Variants in CCDC18 observed in about 807,000 individuals in gnomAD.
The protein encoded by CCDC18 is coiled-coil domain-containing protein 18.
In CCDC18, 157 loss-of-function variants were observed where a neutral mutation model predicts 196.0. The ratio of observed to expected loss-of-function variants is 0.80; its 90% CI spans 0.70 to 0.91. The LOEUF (loss-of-function observed/expected upper bound fraction) is 0.91. Ranked by LOEUF, CCDC18 falls within the 40% of genes least tolerant of loss-of-function variation. The probability of loss-of-function intolerance (pLI) is 0.00; values close to 1 mark genes in which losing one functional copy is unlikely to be tolerated. For missense variants in CCDC18, 1,465 were observed against 1,611.6 expected (o/e 0.91, Z 1.56); for synonymous variants, 482 against 529.2 (o/e 0.91, Z 1.22).
chr1:93,239,170 A>T (rs1291319580), intron 19 of CCDC18, 140 bp from the exon 20 acceptor site: 1 of 555,742 alleles, frequency 1.8e-6, no homozygotes, highest in Non-Finnish European at 2.9e-6. Flanking sequence ...GAGAATTTTT[A>T]AAAATAGGTG....
chr1:93,239,931 T>C (rs1557676193), intron 21 of CCDC18, 35 bp downstream of exon 21: 1 of 1,324,250 alleles, frequency 7.6e-7, no homozygotes, highest in Non-Finnish European at 1.1e-6. Flanking sequence ...ATCACAGTTA[T>C]AAGTCCTTGG....
At chr1:93,275,725 G>A (rs968031253) in intron 28 of CCDC18, among the ~76,000 whole-genome samples, 1 of 152,180 alleles carries the variant, frequency 6.6e-6, no homozygotes, top group Non-Finnish European at 1.5e-5. Context: ...ATAAGCAGGA[G>A]CATAGGGGAC....
Position 93,212,154 on chromosome 1 carries a change from C to T in CCDC18, c.1388C>T (p.Thr463Ile), listed in dbSNP as rs1225613522. Residue 463 changes from threonine (T) to isoleucine (I), a missense_variant, in exon 11 of 29, where the codon ACT becomes ATT. Thr to Ile is a moderately conservative substitution (Grantham distance 89, BLOSUM62 -1). Coordinates refer to ENST00000690025, the MANE Select transcript of CCDC18 (RefSeq NM_001378204.1). ...AEIQKLHANL[T>I]ANQLSQSLIT... ...ATTCAAAAGCTTCATGCAAACCTGA[C>T]TGCAAATCAGTTATCTCAGAGTCTT... The T allele has an allele frequency of 1.9e-6, 3 of 1,610,970 alleles. No individual in the cohort carries two copies. The highest frequency in any genetic ancestry group is 1.7e-6 in the Non-Finnish European group (2 of 1,179,052).
intron 28 of CCDC18, 138 bp downstream of exon 28, chr1:93,270,952 G>T: frequency 7.2e-7 from 1 of 1,388,380 alleles, no homozygotes; most frequent in African/African-American, 1.5e-5. Flanking sequence ...TATACATTAA[G>T]TAAAATCAAT....
intron 8 of CCDC18, among the ~76,000 whole-genome samples, chr1:93,206,188 A>G (rs1292892617): frequency 6.6e-6 from 1 of 152,124 alleles, no homozygotes; most frequent in African/African-American, 2.4e-5. Flanking sequence ...AATTTAAAAA[A>G]AAGGGGGAGC....
chr1:93,234,915 A>C (rs893493981), intron 18 of CCDC18, among the ~76,000 whole-genome samples: 3 of 144,778 alleles, frequency 2.1e-5, no homozygotes, highest in Non-Finnish European at 4.5e-5. Flanking sequence ...TTCCAAGTGC[A>C]TACCACCATG....
Position 93,183,450 on chromosome 1 carries a change from A to G in CCDC18, c.89A>G (p.Lys30Arg). 1 of 1,607,810 alleles carries G rather than the reference A, an allele frequency of 6.2e-7. No homozygotes were observed. Among genetic ancestry groups the G allele is most frequent in the Non-Finnish European group, 8.5e-7 (1 of 1,176,660 alleles). Reference protein sequence around the residue: ...ANVASLRHELKITEWSLQSLG... With the variant: ...ANVASLRHELRITEWSLQSLG... ...GTTGCTTCCTTAAGACATGAACTGA[A>G]GATAACAGAATGGAGTTTGCAGAGT... is the stretch of plus-strand genomic sequence containing the variant. Residue 30 changes from lysine to arginine, a missense_variant, in exon 2 of 29, where the codon AAG becomes AGG. Coordinates refer to ENST00000690025, the MANE Select transcript of CCDC18 (RefSeq NM_001378204.1).
At chr1:93,197,845 G>A (rs980976415) in intron 6 of CCDC18, among the ~76,000 whole-genome samples, 6 of 146,380 alleles carry the variant, frequency 4.1e-5, no homozygotes, top group South Asian at 2.1e-4. Context: ...TCCACCTCCT[G>A]GGTTCATGCC....
intron 28 of CCDC18, among the ~76,000 whole-genome samples, chr1:93,275,900 G>A (rs1194954556): frequency 1.3e-5 from 2 of 152,200 alleles, no homozygotes; most frequent in Non-Finnish European, 2.9e-5. Context: ...AGTGACAAAA[G>A]TTTAAAAGTT....
intron 27 of CCDC18, among the ~76,000 whole-genome samples, chr1:93,269,226 T>G (rs963696409): frequency 3.1e-5 from 4 of 129,948 alleles, no homozygotes; most frequent in Non-Finnish European, 6.2e-5. Context: ...AATCGAACAA[T>G]GAGAACACTT....
At position 93,183,457 on chromosome 1, in the gene CCDC18, A is replaced by C; in HGVS notation, c.96A>C (p.Thr32=). Residue 32 remains threonine, a synonymous_variant, in exon 2 of 29, where the codon ACA becomes ACC. Transcript: ENST00000690025. ...CCTTAAGACATGAACTGAAGATAAC[A>C]GAATGGAGTTTGCAGAGTTTAGGGG... ...VASLRHELKI[T]EWSLQSLGEE... 2 of 1,606,344 alleles carry C rather than the reference A, an allele frequency of 1.2e-6. No individual in the cohort carries two copies. Among genetic ancestry groups the C allele is most frequent in the Non-Finnish European group, 8.5e-7 (1 of 1,176,094 alleles).
chr1:93,274,517 C>G (rs933614319), intron 28 of CCDC18, among the ~76,000 whole-genome samples: 4 of 152,044 alleles, frequency 2.6e-5, no homozygotes, highest in African/African-American at 7.2e-5. Flanking sequence ...TTCACCTATT[C>G]AATTATCATT....
At position 93,216,722 on chromosome 1, in the gene CCDC18, T is replaced by G. The variant is rs1438955811; in HGVS notation, c.1806T>G (p.Asn602Lys). 2.5e-6 allele frequency: 4 copies of G among 1,578,070 alleles called. No individual in the cohort carries two copies. In the African/African-American group the frequency reaches 4.1e-5, roughly 16 times the overall value. ...CTTATTCCTCTATTGCTGCAAAAAA[T>G]GCAGAACTAGAACAGGAGCTTATGG... ...IVAYSSIAAK[N>K]AELEQELMEK... The change falls in exon 13 of 29, where the codon AAT becomes AAG. Residue 602 changes from asparagine to lysine, a missense_variant. Asn to Lys is a moderately conservative substitution (Grantham distance 94). Coordinates refer to ENST00000690025, the MANE Select transcript of CCDC18 (RefSeq NM_001378204.1).
Position 93,226,327 on chromosome 1 carries a change from G to A in CCDC18, c.2176-6G>A, listed in dbSNP as rs1231182381. 4 of 1,011,324 alleles carry A rather than the reference G, an allele frequency of 4.0e-6. No homozygotes were observed. The highest frequency in any genetic ancestry group is 5.3e-6 in the Non-Finnish European group (4 of 747,706). 62.6% of individuals were successfully genotyped at this position (1,011,324 alleles called of 1,614,324 possible). ...TTTTTTTTTTTTTGCTTTTTTTCCT[G>A]CTTAGGTTAGGCAACTAGATTCAGC... On this transcript the variant is annotated splice_polypyrimidine_tract_variant and splice_region_variant and intron_variant, in intron 16 of 28. Transcript: ENST00000690025.
intron 28 of CCDC18, 182 bp downstream of exon 28, chr1:93,270,996 G>A: frequency 1.0e-6 from 1 of 983,630 alleles, no homozygotes; most frequent in Non-Finnish European, 1.2e-6. Context: ...CATGGTGTGA[G>A]ACAATACGGG....
At chr1:93,195,147 A>C (rs1652499669) in intron 6 of CCDC18, among the ~76,000 whole-genome samples, 1 of 152,220 alleles carries the variant, frequency 6.6e-6, no homozygotes, top group African/African-American at 2.4e-5. Flanking sequence ...CTGGAATTAC[A>C]GGCGTGAGCC....
intron 1 of CCDC18, 27 bp downstream of exon 1, chr1:93,180,879 G>T (rs757987939): frequency 7.3e-7 from 1 of 1,365,842 alleles, no homozygotes; most frequent in Admixed American, 1.9e-5. Flanking sequence ...CGACGATTTG[G>T]GTGGTGAGCG....
At chr1:93,202,044 T>G (rs1653921752) in intron 7 of CCDC18, 56 bp downstream of exon 7, 1 of 962,932 alleles carries the variant, frequency 1.0e-6, no homozygotes, top group Admixed American at 2.2e-5. Context: ...ATTCCAACAG[T>G]AAAGGTAGGA....
rs1660058415 is a variant in CCDC18, at chr1:93,236,272, CA to C, written c.2490del (p.Lys830AsnfsTer10). ...KQVSKLEQEL[Q>X]KQRESSAEKL... ...GGTGTCAAAACTGGAACAAGAACTT[CA>C]AAAACAAAGGGAAAGTTCAGCTGAA... On this transcript the variant is annotated frameshift_variant, in exon 19 of 29. Coordinates refer to ENST00000690025, the MANE Select transcript of CCDC18 (RefSeq NM_001378204.1). LOFTEE classifies it high-confidence loss of function. 1 of 1,574,612 alleles carries C rather than the reference CA, an allele frequency of 6.4e-7. No individual in the cohort carries two copies. Among genetic ancestry groups the C allele is most frequent in the Non-Finnish European group, 8.6e-7 (1 of 1,168,564 alleles).
Sources: gnomAD v4.1 joint callset for allele counts (sites outside exome capture counted in the v4.1 genomes callset) on GRCh38, gnomAD v4.1.1 for gene constraint, MANE v1.5 for transcripts, NCBI Gene and HGNC (gene_info 2026-07-23, HGNC 2026-07-21) for gene names.